The following FAM124A variants were observed in gnomAD, a reference collection of about 807,000 sequenced individuals.
FAM124A encodes the protein protein FAM124A.
FAM124A carries 23 observed loss-of-function variants against 24.5 expected under a neutral mutation model. The ratio of observed to expected loss-of-function variants is 0.94; its 90% CI spans 0.68 to 1.33. FAM124A has a LOEUF of 1.33. Among genes scored for constraint, FAM124A ranks in the 40% most tolerant of loss-of-function variants. The pLI, the probability that FAM124A is intolerant of heterozygous loss-of-function variation, is 0.00. For missense variants in FAM124A, 623 were observed against 722.8 expected (o/e 0.86, Z 1.58); for synonymous variants, 287 against 314.7 (o/e 0.91, Z 0.93).
intron 3 of FAM124A, among the ~76,000 whole-genome samples, chr13:51,279,525 C>G (rs1954915072): frequency 1.3e-5 from 2 of 152,184 alleles, no homozygotes; most frequent in African/African-American, 4.8e-5. Flanking sequence ...TAAGGTTGGC[C>G]TTGGGTTCTG....
At chr13:51,278,201 A>T (rs972563383) in intron 3 of FAM124A, among the ~76,000 whole-genome samples, 1 of 152,200 alleles carries the variant, frequency 6.6e-6, no homozygotes, top group South Asian at 2.1e-4. Context: ...GCTGAAAGCC[A>T]GGGGGAGGCT....
intron 3 of FAM124A, among the ~76,000 whole-genome samples, chr13:51,262,013 C>T (rs1210390005): frequency 2.0e-5 from 3 of 152,224 alleles, no homozygotes; most frequent in African/African-American, 7.2e-5. Context: ...CTCATGAGAG[C>T]CACGGCATAG....
Position 51,281,311 on chromosome 13 carries a change from C to T in FAM124A, c.*55C>T. 3 of 1,478,904 alleles carry T rather than the reference C, an allele frequency of 2.0e-6. No homozygotes were observed. Among genetic ancestry groups the T allele is most frequent in the Non-Finnish European group, 2.7e-6 (3 of 1,110,330 alleles). 91.6% of individuals were successfully genotyped at this position (1,478,904 alleles called of 1,614,324 possible). On this transcript the variant is annotated 3_prime_UTR_variant, in exon 4 of 4. Transcript: ENST00000322475. ...CAAACTCAGAGACACAGACTCAGGC[C>T]CCACTGCCCCTCTGGCCACTGAGCA...
intron 3 of FAM124A, among the ~76,000 whole-genome samples, chr13:51,262,710 T>C (rs4942986): frequency 0.87 from 132,526 of 152,170 alleles, 57,807 homozygotes; most frequent in East Asian, 0.95. Flanking sequence ...AGCCTCTGGG[T>C]CCCCTGGGAC....
intron 2 of FAM124A, among the ~76,000 whole-genome samples, chr13:51,235,214 C>T (rs1251315127): frequency 6.6e-6 from 1 of 152,096 alleles, no homozygotes; most frequent in Non-Finnish European, 1.5e-5. Context: ...CAGGAGATCT[C>T]AATAAATCAT....
rs1954822967 is a variant in FAM124A, at chr13:51,269,841, C to T, written c.835-10609C>T. 2.0e-5 allele frequency among the ~76,000 whole-genome samples: 3 copies of T among 152,152 alleles called. No homozygotes were observed. The South Asian group carries it at 6.2e-4, about 32-fold the overall frequency. On this transcript the variant is annotated intron_variant, in intron 3 of 3. Coordinates refer to ENST00000322475, the MANE Select transcript of FAM124A (RefSeq NM_001242312.2). ...TTTTTTTCTGTACCCAAAAGCAGAT[C>T]AGAAAACCTACCTTGATATTCCAGA... is the stretch of plus-strand genomic sequence containing the variant.
chr13:51,267,115 GT>G (rs1175743486), intron 3 of FAM124A, among the ~76,000 whole-genome samples: 2 of 152,142 alleles, frequency 1.3e-5, no homozygotes, highest in Non-Finnish European at 2.9e-5. Context: ...GGCTGATTCT[GT>G]TTCTCAAATC....
chr13:51,227,093 A>G (rs1954322482), intron 1 of FAM124A, among the ~76,000 whole-genome samples: 1 of 152,238 alleles, frequency 6.6e-6, no homozygotes. Context: ...TTAGAGTTTT[A>G]TTTAATAAAA....
chr13:51,240,418 AG>A (rs1480216910), intron 2 of FAM124A, among the ~76,000 whole-genome samples: 1 of 152,240 alleles, frequency 6.6e-6, no homozygotes, highest in Non-Finnish European at 1.5e-5. Flanking sequence ...ACCTGTGCTT[AG>A]AAGAATGATT....
chr13:51,236,563 G>A (rs1368387026), intron 2 of FAM124A, among the ~76,000 whole-genome samples: 1 of 152,234 alleles, frequency 6.6e-6, no homozygotes, highest in East Asian at 1.9e-4. Flanking sequence ...AGCTTTGAAA[G>A]CAACACATGG....
chr13:51,260,168 C>A (rs114811103), intron 3 of FAM124A, among the ~76,000 whole-genome samples: 143 of 152,286 alleles, frequency 9.4e-4, no homozygotes, highest in African/African-American at 3.4e-3. Context: ...TGTGAGGTGG[C>A]CATCCTGTAC....
chr13:51,238,851 T>A (rs545926750), intron 2 of FAM124A, among the ~76,000 whole-genome samples: 2 of 152,180 alleles, frequency 1.3e-5, no homozygotes, highest in African/African-American at 4.8e-5. Context: ...ACCAAAGATA[T>A]GCATCAGGAA....
chr13:51,228,162 T>C (rs1954335987), intron 1 of FAM124A, among the ~76,000 whole-genome samples: 2 of 151,862 alleles, frequency 1.3e-5, no homozygotes. Context: ...TCAATTCTTA[T>C]GCCATGATTT....
At chr13:51,249,312 C>G (rs1954596530) in intron 2 of FAM124A, among the ~76,000 whole-genome samples, 1 of 152,126 alleles carries the variant, frequency 6.6e-6, no homozygotes, top group Non-Finnish European at 1.5e-5. Context: ...TTAACTCATA[C>G]AAATTTGAGA....
chr13:51,234,903 C>T (rs943269671), intron 2 of FAM124A, among the ~76,000 whole-genome samples: 1 of 152,136 alleles, frequency 6.6e-6, no homozygotes, highest in Non-Finnish European at 1.5e-5. Flanking sequence ...TTTTGTGCCC[C>T]TCCCCTCACA....
intron 2 of FAM124A, among the ~76,000 whole-genome samples, chr13:51,246,309 G>A (rs1954557637): frequency 1.4e-5 from 2 of 146,842 alleles, no homozygotes; most frequent in African/African-American, 4.9e-5. Context: ...GAGGCATAGA[G>A]ACTTTTCGTG....
chr13:51,251,620 C>T lies in FAM124A; in HGVS notation c.253C>T (p.Arg85Trp). 5 of 1,562,212 alleles carry T rather than the reference C, an allele frequency of 3.2e-6. No homozygotes were observed. Among genetic ancestry groups the T allele is most frequent in the South Asian group, 1.2e-5 (1 of 82,506 alleles). Residue 85 changes from arginine (R) to tryptophan (W), a missense_variant, in exon 3 of 4, where the codon CGG becomes TGG. Arg to Trp is a moderately radical substitution (Grantham distance 101). Coordinates refer to ENST00000322475, the MANE Select transcript of FAM124A (RefSeq NM_001242312.2). This position sits in a 1 kb window ranked among gnomAD's most constrained non-coding sequence, Gnocchi z 5.3. ...DLPLFRVSER[R>W]ASRRRRKPPK... is the part of the protein sequence containing the mutation. ...CCCGCTGTTCCGGGTGTCCGAGAGG[C>T]GGGCGTCCCGGCGGCGGCGGAAGCC... is the stretch of plus-strand genomic sequence containing the variant.
rs998143997 is a variant in FAM124A, at chr13:51,251,370, T to G, written c.101-98T>G. On this transcript the variant is annotated intron_variant, in intron 2 of 3. Transcript: ENST00000322475. The surrounding 1 kb of genome is among the most constrained non-coding windows in gnomAD (Gnocchi z 5.3). ...GGAGTCAGTTCAGTTAGAATTTGAC[T>G]TCTCTTCCTGTCAAGCCTGTACACG... 2 of 1,367,598 alleles carry G rather than the reference T, an allele frequency of 1.5e-6. No individual in the cohort carries two copies. Among genetic ancestry groups the G allele is most frequent in the East Asian group, 2.5e-5 (1 of 39,810 alleles). 84.7% of individuals were successfully genotyped at this position (1,367,598 alleles called of 1,614,324 possible).
chr13:51,259,156 G>C (rs1355189346), intron 3 of FAM124A, among the ~76,000 whole-genome samples: 1 of 152,148 alleles, frequency 6.6e-6, no homozygotes, highest in Non-Finnish European at 1.5e-5. Context: ...CAGGACGCTT[G>C]CAGAACCCAG....
Sources: gnomAD v4.1 joint callset for allele counts (sites outside exome capture counted in the v4.1 genomes callset) on GRCh38, gnomAD v4.1.1 for gene constraint, Gnocchi (gnomAD v3.1) non-coding constraint, MANE v1.5 for transcripts, NCBI Gene and HGNC (gene_info 2026-07-23, HGNC 2026-07-21) for gene names.